Variants in ADAMTS16 observed in about 807,000 individuals in gnomAD.
ADAMTS16 encodes ADAM metallopeptidase with thrombospondin type 1 motif 16.
ADAMTS16 carries 94 observed loss-of-function variants against 145.8 expected under a neutral mutation model. The observed-to-expected ratio is 0.64, with a 90% CI of 0.55 to 0.77. The LOEUF (loss-of-function observed/expected upper bound fraction) is 0.77. ADAMTS16 is among the 30% of genes least tolerant of loss of function. The pLI is 0.00. For synonymous variants in ADAMTS16, 659 were observed against 604.3 expected, an observed-to-expected ratio of 1.09 and a Z score of -1.33; for missense variants, 1,585 against 1,591.5, an observed-to-expected ratio of 1.00 and a Z score of 0.07.
intron 8 of ADAMTS16, among the ~76,000 whole-genome samples, chr5:5,192,544 C>T (rs1456648064): frequency 1.3e-5 from 2 of 152,136 alleles, no homozygotes; most frequent in African/African-American, 4.8e-5. Flanking sequence ...AGAGATCAGG[C>T]AGGCCTCTAG....
intron 18 of ADAMTS16, among the ~76,000 whole-genome samples, chr5:5,264,282 G>T (rs1362733825): frequency 2.6e-5 from 4 of 152,032 alleles, no homozygotes; most frequent in Admixed American, 6.6e-5. Context: ...GCCCCTGTCT[G>T]CCTAGGATTT....
chr5:5,191,229 G>A (rs972368551), intron 7 of ADAMTS16, among the ~76,000 whole-genome samples: 2 of 152,180 alleles, frequency 1.3e-5, no homozygotes, highest in Non-Finnish European at 2.9e-5. Context: ...GGTGACAAAT[G>A]CTCGTTATGA....
chr5:5,215,780 G>GTGGT (rs1736410307), intron 10 of ADAMTS16, among the ~76,000 whole-genome samples: 1 of 44,838 alleles, frequency 2.2e-5, no homozygotes, highest in Non-Finnish European at 4.0e-5. Flanking sequence ...ATATATATAT[G>GTGGT]GTATATATAT....
intron 3 of ADAMTS16, among the ~76,000 whole-genome samples, chr5:5,166,530 G>C (rs1048393268): frequency 1.3e-5 from 2 of 152,194 alleles, no homozygotes; most frequent in African/African-American, 4.8e-5. Context: ...GGCTTCCTGC[G>C]GGAGTCCTGG....
intron 3 of ADAMTS16, among the ~76,000 whole-genome samples, chr5:5,157,560 A>G (rs1399138228): frequency 2.0e-5 from 3 of 152,212 alleles, no homozygotes; most frequent in Non-Finnish European, 4.4e-5. Context: ...CTGTCACTGA[A>G]TAGGTATTTG....
At chr5:5,153,893 T>A (rs922543) in intron 3 of ADAMTS16, among the ~76,000 whole-genome samples, 151,782 of 152,318 alleles carry the variant, frequency 1, 75,642 homozygotes, top group Middle Eastern at 1. Context: ...AATGTTGGAA[T>A]ACTTGTAAAT....
intron 21 of ADAMTS16, among the ~76,000 whole-genome samples, chr5:5,311,447 C>G (rs1740435184): frequency 6.6e-6 from 1 of 151,898 alleles, no homozygotes; most frequent in Non-Finnish European, 1.5e-5. Context: ...TAAAATAAAA[C>G]CAGCTCGAAA....
chr5:5,299,423 G>C (rs367992880), intron 18 of ADAMTS16, among the ~76,000 whole-genome samples: 1 of 152,196 alleles, frequency 6.6e-6, no homozygotes, highest in Non-Finnish European at 1.5e-5. Context: ...TGCTGATGTC[G>C]TGTGTAATGA....
intron 20 of ADAMTS16, 69 bp downstream of exon 20, chr5:5,303,835 G>T: frequency 2.0e-6 from 3 of 1,533,518 alleles, no homozygotes; most frequent in Admixed American, 3.7e-5. Flanking sequence ...TTCTCTCCTG[G>T]TTTTTCTCTT....
chr5:5,172,918 A>G (rs1735085060), intron 3 of ADAMTS16, among the ~76,000 whole-genome samples: 1 of 152,144 alleles, frequency 6.6e-6, no homozygotes, highest in African/African-American at 2.4e-5. Flanking sequence ...TTGAGTGCAT[A>G]TATATTTACA....
Position 5,273,553 on chromosome 5 carries a change from T to C in ADAMTS16, c.2789+10770T>C, listed in dbSNP as rs373056039. ...AATGTATGAAATAAAAGATAAACAC[T>C]GTTAGGGAGCTGTTCAGCTACAGTG... On this transcript the variant is annotated intron_variant, in intron 18 of 22. Transcript: ENST00000274181. 2.6e-5 allele frequency among the ~76,000 whole-genome samples: 4 copies of C among 152,240 alleles called. No individual in the cohort carries two copies. The East Asian group carries it at 5.8e-4, about 22-fold the overall frequency.
chr5:5,304,959 C>T (rs987490021), intron 20 of ADAMTS16, among the ~76,000 whole-genome samples: 16 of 133,396 alleles, frequency 1.2e-4, no homozygotes, highest in African/African-American at 4.6e-4. Flanking sequence ...ACACACATCC[C>T]ACACCACACA....
chr5:5,151,001 T>C (rs546136617), intron 3 of ADAMTS16, among the ~76,000 whole-genome samples: 15 of 152,220 alleles, frequency 9.9e-5, no homozygotes, highest in Non-Finnish European at 1.9e-4. Flanking sequence ...ATTCATTTTT[T>C]CTTCATTCAT....
intron 8 of ADAMTS16, among the ~76,000 whole-genome samples, chr5:5,197,594 A>G (rs1253143732): frequency 2.0e-5 from 3 of 152,244 alleles, no homozygotes; most frequent in Admixed American, 1.3e-4. Flanking sequence ...TAACCATTTT[A>G]AAGTACTATG....
intron 18 of ADAMTS16, among the ~76,000 whole-genome samples, chr5:5,272,421 G>A (rs1738517600): frequency 6.8e-6 from 1 of 148,118 alleles, no homozygotes; most frequent in African/African-American, 2.5e-5. Flanking sequence ...GAGTGCAGTG[G>A]CGCAATCTCG....
chr5:5,287,439 C>A (rs1739144028), intron 18 of ADAMTS16, among the ~76,000 whole-genome samples: 1 of 152,142 alleles, frequency 6.6e-6, no homozygotes, highest in South Asian at 2.1e-4. Flanking sequence ...TTGCCTAGAC[C>A]CATCTACAGA....
chr5:5,300,850 C>A (rs181852027), intron 18 of ADAMTS16, among the ~76,000 whole-genome samples: 2 of 152,258 alleles, frequency 1.3e-5, no homozygotes, highest in Admixed American at 1.3e-4. Context: ...TCAGAAATCA[C>A]GTCCAGCCAG....
At position 5,208,430 on chromosome 5, in the gene ADAMTS16, A is replaced by T. The variant is rs545146755; in HGVS notation, c.1452-663A>T. 2.0e-5 allele frequency among the ~76,000 whole-genome samples: 3 copies of T among 152,374 alleles called. No homozygotes were observed. In the East Asian group the frequency reaches 5.8e-4, roughly 29 times the overall value. On this transcript the variant is annotated intron_variant, in intron 9 of 22. Transcript: ENST00000274181. ...TTCCCAAATGCATAAATTATACCAA[A>T]GAACATCCTGGAAGAGAAGAGGATA... is the stretch of plus-strand genomic sequence containing the variant.
chr5:5,293,665 C>T (rs4701698), intron 18 of ADAMTS16, among the ~76,000 whole-genome samples: 82,119 of 151,956 alleles, frequency 0.54, 22,456 homozygotes, highest in Non-Finnish European at 0.58. Flanking sequence ...AGTGAGCTTG[C>T]GTTCCTTTCC....
Sources: allele counts gnomAD v4.1 joint callset (sites outside exome capture counted in the v4.1 genomes callset), GRCh38; gene constraint gnomAD v4.1.1; transcripts MANE v1.5; gene names NCBI Gene and HGNC (gene_info 2026-07-23, HGNC 2026-07-21).